The following SRBD1 variants were observed in gnomAD, a reference collection of about 807,000 sequenced individuals.
The protein encoded by SRBD1 is S1 RNA binding domain 1, also known as S1 RNA-binding domain-containing protein 1.
In SRBD1, 88 loss-of-function variants were observed where a neutral mutation model predicts 115.3. The ratio of observed to expected loss-of-function variants is 0.76; its 90% confidence interval spans 0.64 to 0.91. The LOEUF is 0.91. Ranked by LOEUF, SRBD1 falls within the 40% of genes least tolerant of loss-of-function variation. The probability of loss-of-function intolerance (pLI) is 0.00; values close to 1 mark genes in which losing one functional copy is unlikely to be tolerated. For missense variants in SRBD1, 1,385 were observed against 1,177.4 expected (o/e 1.18, Z -2.58); for synonymous variants, 509 against 407.7 (o/e 1.25, Z -2.99).
intron 16 of SRBD1, among the ~76,000 whole-genome samples, chr2:45,430,261 C>G (rs2103671482): frequency 6.6e-6 from 1 of 152,198 alleles, no homozygotes; most frequent in South Asian, 2.1e-4. Flanking sequence ...CAAGCTACCA[C>G]TGACTTTCTT....
chr2:45,476,512 T>G (rs1279658519), intron 16 of SRBD1, among the ~76,000 whole-genome samples: 2 of 152,160 alleles, frequency 1.3e-5, no homozygotes, highest in Non-Finnish European at 2.9e-5. Context: ...AGTGCTGTCT[T>G]GAATTGCCCA....
intron 16 of SRBD1, among the ~76,000 whole-genome samples, chr2:45,459,199 CTA>C (rs931461622): frequency 2.0e-5 from 3 of 152,166 alleles, no homozygotes; most frequent in Non-Finnish European, 4.4e-5. Context: ...AAGTAAAACA[CTA>C]TAGACTTACA....
chr2:45,485,949 G>A (rs1340488428), intron 15 of SRBD1, among the ~76,000 whole-genome samples: 1 of 152,128 alleles, frequency 6.6e-6, no homozygotes, highest in Non-Finnish European at 1.5e-5. Context: ...AAAGTTTCTA[G>A]GTATATATTA....
chr2:45,501,844 G>A (rs1481371842), intron 14 of SRBD1, among the ~76,000 whole-genome samples: 1 of 152,194 alleles, frequency 6.6e-6, no homozygotes, highest in Admixed American at 6.5e-5. Flanking sequence ...GCCTGCCTCT[G>A]TAGACTCCAC....
At chr2:45,563,639 T>G (rs1042246957) in intron 9 of SRBD1, among the ~76,000 whole-genome samples, 1 of 151,818 alleles carries the variant, frequency 6.6e-6, no homozygotes. Flanking sequence ...AAGGACCTTA[T>G]AGAAATAAAA....
intron 14 of SRBD1, among the ~76,000 whole-genome samples, chr2:45,511,732 C>T (rs933775928): frequency 6.6e-6 from 1 of 152,196 alleles, no homozygotes; most frequent in Middle Eastern, 3.2e-3. Context: ...GCCTCTTAGA[C>T]TTGAATTATC....
intron 19 of SRBD1, among the ~76,000 whole-genome samples, chr2:45,411,495 A>G (rs766228708): frequency 1.3e-5 from 2 of 152,194 alleles, no homozygotes; most frequent in Non-Finnish European, 2.9e-5. Flanking sequence ...TGGTAGAGGG[A>G]GAAAACTAAC....
Position 45,556,448 on chromosome 2 carries a change from C to CTTTTTTTTTT in SRBD1, c.1410-2728_1410-2719dup, listed in dbSNP as rs59284495. ...ATCTGTTCTGCTCTATGCTCTATTA[C>CTTTTTTTTTT]TTTTTTTTTTTTTTTTTTTTTTTTT... On this transcript the variant is annotated intron_variant, in intron 10 of 20. Transcript: ENST00000263736. 1.1e-4 allele frequency among the ~76,000 whole-genome samples: 9 copies of CTTTTTTTTTT among 78,832 alleles called. 1 individual carries two copies. Among genetic ancestry groups the CTTTTTTTTTT allele is most frequent in the East Asian group, 3.9e-4 (1 of 2,582 alleles). 51.7% of individuals were successfully genotyped at this position (78,832 alleles called of 152,430 possible).
At chr2:45,416,214 C>T (rs1358675902) in intron 18 of SRBD1, among the ~76,000 whole-genome samples, 1 of 151,744 alleles carries the variant, frequency 6.6e-6, no homozygotes, top group Non-Finnish European at 1.5e-5. Flanking sequence ...CAAAATCTAG[C>T]TATGTGTTTC....
At chr2:45,396,926 G>C (rs1667161273) in intron 19 of SRBD1, among the ~76,000 whole-genome samples, 1 of 152,052 alleles carries the variant, frequency 6.6e-6, no homozygotes, top group African/African-American at 2.4e-5. Flanking sequence ...TACGTGCTTT[G>C]TGGGCAAAAC....
At chr2:45,571,534 A>AAACAAAAC (rs1440614835) in intron 9 of SRBD1, among the ~76,000 whole-genome samples, 7 of 149,798 alleles carry the variant, frequency 4.7e-5, no homozygotes, top group African/African-American at 1.5e-4. Flanking sequence ...AAAAAAAAAA[A>AAACAAAAC]AAAAAAAACT....
chr2:45,553,197 T>C (rs1032215998), intron 11 of SRBD1, among the ~76,000 whole-genome samples: 57 of 152,308 alleles, frequency 3.7e-4, no homozygotes, highest in African/African-American at 1.3e-3. Flanking sequence ...TCCGTTCACA[T>C]TGCCATTTTA....
At chr2:45,586,101 T>C (rs183999277) in intron 4 of SRBD1, among the ~76,000 whole-genome samples, 48 of 152,296 alleles carry the variant, frequency 3.2e-4, no homozygotes, top group African/African-American at 1.1e-3. Flanking sequence ...GTAACTCACT[T>C]TGTCAGCATG....
At chr2:45,481,644 G>C (rs976411278) in intron 15 of SRBD1, among the ~76,000 whole-genome samples, 1 of 151,990 alleles carries the variant, frequency 6.6e-6, no homozygotes, top group Admixed American at 6.6e-5. Flanking sequence ...GGAAACATAT[G>C]TCCATATAAA....
At chr2:45,511,515 G>T (rs1454044582) in intron 14 of SRBD1, among the ~76,000 whole-genome samples, 1 of 152,102 alleles carries the variant, frequency 6.6e-6, no homozygotes, top group Non-Finnish European at 1.5e-5. Context: ...CAAATAACAG[G>T]AAAAACATGC....
Position 45,442,982 on chromosome 2 carries a change from T to C in SRBD1, c.2050-23088A>G, listed in dbSNP as rs142760208. On this transcript the variant is annotated intron_variant, in intron 16 of 20. Transcript: ENST00000263736. ...GTAGTAACAAGCTACAGTGCTGAAA[T>C]TGAAAGGAGGGCAATCTGGCTGAGA... 1.2e-4 allele frequency among the ~76,000 whole-genome samples: 18 copies of C among 152,134 alleles called. 1 individual carries two copies. Among genetic ancestry groups the C allele is most frequent in the African/African-American group, 3.9e-4 (16 of 41,504 alleles).
rs753294259 is a variant in SRBD1, at chr2:45,546,854, C to G, written c.1767-15G>C. On this transcript the variant is annotated splice_polypyrimidine_tract_variant and intron_variant, in intron 13 of 20. Transcript: ENST00000263736. ...CTGTGCTGCAGCTTCAAGGCAGAAACAGAATGACAAACTGAATTTCAAGGC... is the reference window on the plus strand; with the variant it reads ...CTGTGCTGCAGCTTCAAGGCAGAAAGAGAATGACAAACTGAATTTCAAGGC... 32 of 1,611,654 alleles carry G rather than the reference C, an allele frequency of 2.0e-5. No individual in the cohort carries two copies. The highest frequency in any genetic ancestry group is 5.3e-5 in the African/African-American group (4 of 74,848).
At chr2:45,608,561 T>C (rs556430668) in intron 1 of SRBD1, among the ~76,000 whole-genome samples, 1 of 152,158 alleles carries the variant, frequency 6.6e-6, no homozygotes, top group Non-Finnish European at 1.5e-5. Context: ...ACCTCATCCA[T>C]CTCCACGGTT....
chr2:45,407,893 A>C (rs1204094319), intron 19 of SRBD1, among the ~76,000 whole-genome samples: 1 of 152,024 alleles, frequency 6.6e-6, no homozygotes, highest in Non-Finnish European at 1.5e-5. Flanking sequence ...ATAAATAATA[A>C]ATATAAACAA....
Sources: gnomAD v4.1 joint callset for allele counts (sites outside exome capture counted in the v4.1 genomes callset) on GRCh38, gnomAD v4.1.1 for gene constraint, MANE v1.5 for transcripts, NCBI Gene and HGNC (gene_info 2026-07-23, HGNC 2026-07-21) for gene names.